FHAD1: variants seen among roughly 807,000 people sequenced by gnomAD.
FHAD1 encodes the protein forkhead associated phosphopeptide binding domain 1.
Under a neutral mutation model 191.3 loss-of-function variants are expected in FHAD1, and 146 were observed. The ratio of observed to expected loss-of-function variants is 0.76; its 90% CI spans 0.67 to 0.88. The LOEUF is 0.88. Ranked by LOEUF, FHAD1 falls within the 40% of genes least tolerant of loss-of-function variation. FHAD1 has a pLI of 0.00. For synonymous variants in FHAD1, 616 were observed against 672.3 expected, an observed-to-expected ratio of 0.92 and a Z score of 1.29; for missense variants, 1,635 against 1,785.8, an observed-to-expected ratio of 0.92 and a Z score of 1.52.
intron 16 of FHAD1, among the ~76,000 whole-genome samples, chr1:15,344,139 A>T (rs1390440253): frequency 1.3e-5 from 2 of 152,264 alleles, no homozygotes; most frequent in African/African-American, 2.4e-5. Context: ...CCTTCCTCTG[A>T]TACTCGGATT....
rs546670294 is a variant in FHAD1 at position 15,381,025 on chromosome 1, C to T, written c.3802-206C>T. Among the ~76,000 whole-genome samples, 5 of 152,224 alleles carry T rather than the reference C, an allele frequency of 3.3e-5. No individual in the cohort carries two copies. The South Asian group carries it at 6.2e-4, about 19-fold the overall frequency. On this transcript the variant is annotated intron_variant, in intron 29 of 33. Transcript: ENST00000688493. This position sits in a 1 kb window ranked among gnomAD's most constrained non-coding sequence, Gnocchi z 4.6. Reference sequence around the variant, plus strand: ...TTTATATCTGTTGTCATTTTTCACCCCCGGTTCTCAAAAAAGGCATAGCGT... The same window carrying T: ...TTTATATCTGTTGTCATTTTTCACCTCCGGTTCTCAAAAAAGGCATAGCGT...
In FHAD1 at chr1:15,397,305, C is replaced by T. The variant is rs760628680; in HGVS notation, c.4332C>T (p.Thr1444=). ...TCTCTTGCTTGTTAAAGGTTGGAAC[C>T]AGAAAAGCCTCCCTAAAGATGGACC... is the stretch of plus-strand genomic sequence containing the variant. ...RMQNSNSQVG[T]RKASLKMDQE... The change falls in exon 34 of 34, where the codon ACC becomes ACT. Residue 1444 remains threonine, a synonymous_variant. Coordinates refer to ENST00000688493, the MANE Select transcript of FHAD1 (RefSeq NM_001391957.1). The T allele has an allele frequency of 2.0e-5, 31 of 1,521,478 alleles. No homozygotes were observed. Among genetic ancestry groups the T allele is most frequent in the African/African-American group, 1.4e-5 (1 of 72,466 alleles). The allele number at this position is 1,521,478 out of a possible 1,614,324, so 94.2% of individuals were successfully genotyped here.
chr1:15,320,149 A>T (rs1486362684), intron 10 of FHAD1, among the ~76,000 whole-genome samples: 3 of 152,176 alleles, frequency 2.0e-5, no homozygotes, highest in African/African-American at 7.2e-5. Context: ...TTCTAAATAT[A>T]TGAGGGTTTT....
chr1:15,292,490 C>G (rs910061571), intron 4 of FHAD1, among the ~76,000 whole-genome samples: 7 of 152,218 alleles, frequency 4.6e-5, no homozygotes, highest in African/African-American at 1.7e-4. Context: ...CCCGCCACCA[C>G]GCCCAGCTAA....
In FHAD1 at chr1:15,389,447, C is replaced by CAAAAAAAAAAAAAAAA. The variant is rs570569622; in HGVS notation, c.4269+1322_4269+1337dup. ...TGAGCAACAGAGGAAGAACCTGTCT[C>CAAAAAAAAAAAAAAAA]AAAAAAAAAAAAAAAAAAAAACCTG... On this transcript the variant is annotated intron_variant, in intron 32 of 33. Coordinates refer to ENST00000688493, the MANE Select transcript of FHAD1 (RefSeq NM_001391957.1). Among the ~76,000 whole-genome samples, 136 of 54,202 alleles carry CAAAAAAAAAAAAAAAA rather than the reference C, an allele frequency of 2.5e-3. 7 individuals are homozygous for CAAAAAAAAAAAAAAAA. Among genetic ancestry groups the CAAAAAAAAAAAAAAAA allele is most frequent in the African/African-American group, 8.6e-3 (111 of 12,896 alleles). 35.6% of individuals were successfully genotyped at this position (54,202 alleles called of 152,430 possible). A position where few individuals can be genotyped will look rare whatever the true frequency, so the allele number is the denominator to read the frequency against.
In FHAD1 at chr1:15,367,507, G is replaced by A; in HGVS notation, c.3199G>A (p.Val1067Met). 1.3e-6 allele frequency: 2 copies of A among 1,551,418 alleles called. No homozygotes were observed. The highest frequency in any genetic ancestry group is 1.7e-6 in the Non-Finnish European group (2 of 1,146,960). The change falls in exon 25 of 34, where the codon GTG (valine) becomes ATG (methionine). Residue 1067 changes from valine to methionine, a missense_variant. Physicochemically the swap from Val to Met is conservative, Grantham distance 21. Coordinates refer to ENST00000688493, the MANE Select transcript of FHAD1 (RefSeq NM_001391957.1). ...KQKMELEQNV[V>M]LVQQQSKELS... The stretch of plus-strand genomic sequence containing the variant: ...GAAGATGGAACTGGAGCAGAACGTG[G>A]TGCTGGTCCAGCAGCAGAGCAAGGA...
chr1:15,369,059 G>A (rs1405323944), intron 25 of FHAD1, among the ~76,000 whole-genome samples: 1 of 152,188 alleles, frequency 6.6e-6, no homozygotes, highest in Non-Finnish European at 1.5e-5. Flanking sequence ...TTGTGGGATT[G>A]TTATGAGAGA....
At chr1:15,241,083 G>A (rs529945227) in intron 1 of FHAD1, among the ~76,000 whole-genome samples, 25 of 152,224 alleles carry the variant, frequency 1.6e-4, no homozygotes, top group African/African-American at 6.0e-4. Flanking sequence ...TAAAGCACAG[G>A]ACCGTGCTGA....
At chr1:15,247,541 A>C in intron 1 of FHAD1, 146 bp downstream of exon 1, 1 of 159,698 alleles carries the variant, frequency 6.3e-6, no homozygotes, top group South Asian at 1.3e-4. Context: ...GCACCCCAGT[A>C]GCTACCCCAA....
intron 3 of FHAD1, among the ~76,000 whole-genome samples, chr1:15,284,239 G>C (rs907795483): frequency 6.6e-6 from 1 of 152,182 alleles, no homozygotes; most frequent in African/African-American, 2.4e-5. Flanking sequence ...CCAGCACTTT[G>C]GGAGGCCGAG....
In FHAD1 at chr1:15,365,982, G is replaced by T. The variant is rs564790887; in HGVS notation, c.3154+49G>T. ...TTGACCTCCTGACCCACTCGAGAAA[G>T]GAAGGAGATGAGGCTAAAGAGTCGG... is the stretch of plus-strand genomic sequence containing the variant. On this transcript the variant is annotated intron_variant, in intron 24 of 33. Coordinates refer to ENST00000688493, the MANE Select transcript of FHAD1 (RefSeq NM_001391957.1). 7 of 1,305,310 alleles carry T rather than the reference G, an allele frequency of 5.4e-6. No individual in the cohort carries two copies. In the South Asian group the frequency reaches 6.3e-5, roughly 12 times the overall value. The allele number at this position is 1,305,310 out of a possible 1,614,324, so 80.9% of individuals were successfully genotyped here.
rs79343240 is a variant in FHAD1, at chr1:15,383,998, A to G, written c.4188+1805A>G. On this transcript the variant is annotated intron_variant, in intron 31 of 33. Coordinates refer to ENST00000688493, the MANE Select transcript of FHAD1 (RefSeq NM_001391957.1). ...CATTCTCGTGTGTGTGTACATTCTC[A>G]TGTGTGTGTGTGTGTGCACATGTGT... 7.6e-4 allele frequency: 160 copies of G among 210,770 alleles called. 1 individual carries two copies. The highest frequency in any genetic ancestry group is 2.1e-3 in the African/African-American group (38 of 18,074). The allele number at this position is 210,770 out of a possible 1,614,324, so 13.1% of individuals were successfully genotyped here.
chr1:15,382,083 G>A lies in FHAD1; in HGVS notation c.4078G>A (p.Asp1360Asn). The A allele has an allele frequency of 6.4e-7, 1 of 1,552,194 alleles. No individual in the cohort carries two copies. The change falls in exon 31 of 34, where the codon GAT becomes AAT. Residue 1360 changes from aspartate (D) to asparagine (N), a missense_variant. Transcript: ENST00000688493. ...YQSQVAKLED[D>N]IYKEAEEKAL... ...GTCGCAGGTGGCAAAGCTGGAGGAT[G>A]ATATCTACAAAGAGGCCGAAGAGAA...
chr1:15,296,496 G>T (rs575425499), intron 4 of FHAD1, 188 bp from the exon 5 acceptor site: 2 of 589,396 alleles, frequency 3.4e-6, no homozygotes, highest in Non-Finnish European at 6.3e-6. Flanking sequence ...TGCATGATCC[G>T]CCTGCCTTGG....
rs922991460 is a variant in FHAD1 at position 15,362,710 on chromosome 1, G to T, written c.3031G>T (p.Ala1011Ser). The T allele has an allele frequency of 6.4e-7, 1 of 1,551,734 alleles. No homozygotes were observed. Among genetic ancestry groups the T allele is most frequent in the East Asian group, 2.4e-5 (1 of 40,924 alleles). ...GACAGAGAGCAGTGCCAAAGACATG[G>T]CGTACGAACATCTGATGTGAGTACC... The part of the protein sequence containing the change: ...PMTESSAKDM[A>S]YEHLIDDLLA... Residue 1011 changes from alanine (A) to serine (S), a missense_variant, in exon 23 of 34, where the codon GCG becomes TCG. Transcript: ENST00000688493.
chr1:15,284,789 G>A (rs1164861798), intron 3 of FHAD1, among the ~76,000 whole-genome samples: 1 of 152,140 alleles, frequency 6.6e-6, no homozygotes, highest in Admixed American at 6.5e-5. Flanking sequence ...AGCCGTGGGT[G>A]TGGTCCAGGT....
At chr1:15,358,412 T>G in intron 21 of FHAD1, 129 bp downstream of exon 21, 1 of 884,034 alleles carries the variant, frequency 1.1e-6, no homozygotes, top group Non-Finnish European at 1.7e-6. Flanking sequence ...CAAGTAGCTC[T>G]TTCCTGTCAG....
chr1:15,249,489 T>C, intron 1 of FHAD1, among the ~76,000 whole-genome samples: 1 of 152,168 alleles, frequency 6.6e-6, no homozygotes, highest in Non-Finnish European at 1.5e-5. Context: ...CAGGGCATGG[T>C]TCTTTTGGAA....
chr1:15,383,554 C>T, intron 31 of FHAD1: 1 of 336,170 alleles, frequency 3.0e-6, no homozygotes, highest in South Asian at 2.4e-5. Context: ...TATTCATCAT[C>T]CACTCCTGCA....
Sources: gnomAD v4.1 joint callset for allele counts (sites outside exome capture counted in the v4.1 genomes callset) on GRCh38, gnomAD v4.1.1 for gene constraint, Gnocchi (gnomAD v3.1) non-coding constraint, MANE v1.5 for transcripts, NCBI Gene and HGNC (gene_info 2026-07-23, HGNC 2026-07-21) for gene names.